The following AAMDC variants were observed in gnomAD, a reference collection of about 807,000 sequenced individuals.
AAMDC encodes adipogenesis associated Mth938 domain containing, also known as mth938 domain-containing protein.
Under a neutral mutation model 15.5 loss-of-function variants are expected in AAMDC, and 16 were observed. The ratio of observed to expected loss-of-function variants is 1.03; its 90% CI spans 0.70 to 1.57. The LOEUF is 1.57. Ranked by LOEUF, AAMDC falls within the 40% of genes most tolerant of loss-of-function variation. The pLI is 0.00. For missense variants in AAMDC, 141 were observed against 144.9 expected, an observed-to-expected ratio of 0.97 and a Z score of 0.14; for synonymous variants, 51 against 51.6, an observed-to-expected ratio of 0.99 and a Z score of 0.05.
intron 2 of AAMDC, among the ~76,000 whole-genome samples, chr11:77,862,279 T>A (rs2136256366): frequency 6.6e-6 from 1 of 152,328 alleles, no homozygotes; most frequent in East Asian, 1.9e-4. Context: ...GCTGCAGTTA[T>A]GATGGCACTT....
intron 5 of AAMDC, among the ~76,000 whole-genome samples, chr11:77,882,743 C>A (rs777337360): frequency 6.6e-6 from 1 of 152,134 alleles, no homozygotes; most frequent in Non-Finnish European, 1.5e-5. Context: ...TTCATAAAGT[C>A]ATCATTACCC....
downstream of AAMDC, chr11:77,903,415 T>G (rs1336245535): frequency 2.1e-5 from 33 of 1,606,750 alleles, no homozygotes; most frequent in Admixed American, 5.4e-4. Context: ...AAGGGGCAGC[T>G]ACATGCCACA....
chr11:77,821,809 G>A (rs1948917826), intron 1 of AAMDC, among the ~76,000 whole-genome samples: 2 of 152,176 alleles, frequency 1.3e-5, no homozygotes, highest in Non-Finnish European at 2.9e-5. Flanking sequence ...AGCCTGAGAA[G>A]CAGCAGTACA....
At chr11:77,862,943 A>G (rs1950944618) in intron 2 of AAMDC, among the ~76,000 whole-genome samples, 1 of 152,074 alleles carries the variant, frequency 6.6e-6, no homozygotes. Flanking sequence ...CTTGGGGGGA[A>G]CGTTTCCCAT....
Position 77,872,305 on chromosome 11 carries a change from C to A in AAMDC, c.359C>A (p.Ser120Tyr). Residue 120 changes from serine to tyrosine, a missense_variant, in exon 4 of 4, where the codon TCC becomes TAC. Transcript: ENST00000393427. ...GTCAGGGTGGGAGGTGTCTTCCATT[C>A]CACCTGCTGATGGAGCCTTAAGAGG... Reference protein sequence around the residue: ...QGVRVGGVFHSTC With the variant: ...QGVRVGGVFHYTC 1 of 1,612,160 alleles carries A rather than the reference C, an allele frequency of 6.2e-7. No individual in the cohort carries two copies. The highest frequency in any genetic ancestry group is 1.1e-5 in the South Asian group (1 of 90,748).
chr11:77,872,350 C>T lies in AAMDC; in HGVS notation c.*35C>T, dbSNP rs779087535. On this transcript the variant is annotated 3_prime_UTR_variant, in exon 4 of 4. Transcript: ENST00000393427. ...AAGAGGAGAATAAATCACTAAGTGC[C>T]TATGCCTGTGACTGTCACTCACCAT... 11 of 1,582,968 alleles carry T rather than the reference C, an allele frequency of 6.9e-6. No homozygotes were observed. In the South Asian group the frequency reaches 1.2e-4, roughly 17 times the overall value.
chr11:77,866,758 C>T (rs1400918796), intron 2 of AAMDC: 1 of 152,018 alleles, frequency 6.6e-6, no homozygotes, highest in Non-Finnish European at 1.5e-5. Flanking sequence ...AAAAATAAAA[C>T]TGCACATGTA....
intron 5 of AAMDC, among the ~76,000 whole-genome samples, chr11:77,886,025 A>AC (rs765586868): frequency 4.7e-5 from 7 of 150,506 alleles, no homozygotes; most frequent in South Asian, 2.1e-4. Flanking sequence ...AAAAAGTAAG[A>AC]CCCCCCAATC....
downstream of AAMDC, chr11:77,876,937 T>C (rs556607156): frequency 7.7e-5 from 54 of 703,200 alleles, no homozygotes; most frequent in Admixed American, 2.8e-4. Context: ...TGGTTCTTCA[T>C]GTTTTTGTCT....
At chr11:77,859,219 G>T (rs1270605652) in intron 2 of AAMDC, among the ~76,000 whole-genome samples, 1 of 152,174 alleles carries the variant, frequency 6.6e-6, no homozygotes. Context: ...TCCCAGAGGG[G>T]ATTACCCCAT....
At chr11:77,901,513 A>C (rs746227521), downstream of AAMDC, 1 of 1,611,918 alleles carries the variant, frequency 6.2e-7, no homozygotes, top group Admixed American at 1.7e-5. Context: ...TCTCCACACC[A>C]CTGTACATGA....
chr11:77,903,690 A>G (rs1952850634), downstream of AAMDC: 7 of 1,249,960 alleles, frequency 5.6e-6, no homozygotes, highest in South Asian at 9.8e-5. Context: ...TGGGATTTAC[A>G]TTTTTGTTTT....
At chr11:77,856,094 G>C (rs1950610251) in intron 2 of AAMDC, among the ~76,000 whole-genome samples, 1 of 152,060 alleles carries the variant, frequency 6.6e-6, no homozygotes, top group African/African-American at 2.4e-5. Context: ...CTCCAGCCTG[G>C]GTGACAGAGT....
chr11:77,868,224 T>G (rs2136293894), intron 2 of AAMDC, among the ~76,000 whole-genome samples: 1 of 150,688 alleles, frequency 6.6e-6, no homozygotes, highest in East Asian at 2.0e-4. Flanking sequence ...CCCGGCTAAT[T>G]TTTTGTATGT....
At position 77,872,102 on chromosome 11, in the gene AAMDC, C is replaced by T. The variant is rs1221215484; in HGVS notation, c.229-73C>T. ...CACTGTCTAATTCTGTAGAGTACAC[C>T]TGCCTCATGGCAGTAAAGGAACCCC... On this transcript the variant is annotated intron_variant, in intron 3 of 3. Transcript: ENST00000393427. 5.4e-6 allele frequency: 8 copies of T among 1,492,894 alleles called. No homozygotes were observed. In the African/African-American group the frequency reaches 5.6e-5, roughly 10 times the overall value. 92.5% of individuals were successfully genotyped at this position (1,492,894 alleles called of 1,614,324 possible). A position where few individuals can be genotyped will look rare whatever the true frequency, so the allele number is the denominator to read the frequency against.
chr11:77,874,054 T>G (rs1187800419), downstream of AAMDC, among the ~76,000 whole-genome samples: 2 of 152,266 alleles, frequency 1.3e-5, no homozygotes, highest in Admixed American at 6.5e-5. Flanking sequence ...TGAAACAGTA[T>G]GGAAAGTGAA....
chr11:77,905,458 C>CAA (rs1413115767), downstream of AAMDC, among the ~76,000 whole-genome samples: 5 of 116,386 alleles, frequency 4.3e-5, no homozygotes, highest in African/African-American at 1.3e-4. Context: ...GACTCTGTCT[C>CAA]AAAAAAAAAA....
At chr11:77,891,810 C>T in intron 5 of AAMDC, 1 of 1,611,766 alleles carries the variant, frequency 6.2e-7, no homozygotes, top group South Asian at 1.1e-5. Flanking sequence ...CAAAGCTGTC[C>T]TGCAAGTGGG....
chr11:77,869,839 A>G (rs1380932113), intron 3 of AAMDC, 22 bp downstream of exon 3: 1 of 1,606,780 alleles, frequency 6.2e-7, no homozygotes, highest in East Asian at 2.2e-5. Context: ...TATGCACAGC[A>G]TTCCTGAGGA....
Sources: gnomAD v4.1 joint callset for allele counts (sites outside exome capture counted in the v4.1 genomes callset) on GRCh38, gnomAD v4.1.1 for gene constraint, MANE v1.5 for transcripts, NCBI Gene and HGNC (gene_info 2026-07-23, HGNC 2026-07-21) for gene names.